The following CAMK2D variants were observed in gnomAD, a reference collection of about 807,000 sequenced individuals.
The protein encoded by CAMK2D is calcium/calmodulin dependent protein kinase II delta.
Under a neutral mutation model 84.0 loss-of-function variants are expected in CAMK2D, and 37 were observed. The observed-to-expected ratio is 0.44, with a 90% CI of 0.34 to 0.58. The LOEUF (loss-of-function observed/expected upper bound fraction) is 0.58. Among genes scored for constraint, CAMK2D ranks in the 20% least tolerant of loss-of-function variants. The pLI, the probability that CAMK2D is intolerant of heterozygous loss-of-function variation, is 0.02. For missense variants in CAMK2D, 448 were observed against 652.5 expected, an observed-to-expected ratio of 0.69 and a Z score of 3.41; for synonymous variants, 202 against 212.5, an observed-to-expected ratio of 0.95 and a Z score of 0.43.
intron 4 of CAMK2D, among the ~76,000 whole-genome samples, chr4:113,573,460 G>A (rs72907858): frequency 5.0e-4 from 76 of 152,240 alleles, no homozygotes; most frequent in African/African-American, 1.7e-3. Flanking sequence ...CCATTTCTTC[G>A]ACTAAACTCA....
At chr4:113,675,117 T>C (rs1224318983) in intron 2 of CAMK2D, among the ~76,000 whole-genome samples, 5 of 152,196 alleles carry the variant, frequency 3.3e-5, no homozygotes, top group African/African-American at 4.8e-5. Context: ...AATTCCTGAC[T>C]TTTCCCCTAC....
At chr4:113,539,423 G>A (rs2098514832) in intron 6 of CAMK2D, among the ~76,000 whole-genome samples, 1 of 152,212 alleles carries the variant, frequency 6.6e-6, no homozygotes, top group African/African-American at 2.4e-5. Flanking sequence ...AGTTTGTTGA[G>A]CAACTGTCAG....
At chr4:113,553,163 C>T (rs922378504) in intron 4 of CAMK2D, among the ~76,000 whole-genome samples, 2 of 152,094 alleles carry the variant, frequency 1.3e-5, no homozygotes, top group Admixed American at 6.6e-5. Context: ...AATTGCCCGC[C>T]GAGCAATTCC....
In CAMK2D at chr4:113,648,566, G is replaced by A. The variant is rs138955702; in HGVS notation, c.220+13147C>T. On this transcript the variant is annotated intron_variant, in intron 3 of 20. Coordinates refer to ENST00000511664, the MANE Select transcript of CAMK2D (RefSeq NM_001321571.2). ...ATGTTTGGGAAAGGCACAAGGGACCGGTAAGAAGTGAGCTTTACTTTAGTG... is the reference window on the plus strand; with the variant it reads ...ATGTTTGGGAAAGGCACAAGGGACCAGTAAGAAGTGAGCTTTACTTTAGTG... Among the ~76,000 whole-genome samples the A allele has an allele frequency of 6.4e-4, 98 of 152,300 alleles. 1 individual carries two copies. Among genetic ancestry groups the A allele is most frequent in the Middle Eastern group, 3.4e-3 (1 of 294 alleles).
At chr4:113,560,907 A>T (rs1228753768) in intron 4 of CAMK2D, among the ~76,000 whole-genome samples, 2 of 152,182 alleles carry the variant, frequency 1.3e-5, no homozygotes, top group African/African-American at 4.8e-5. Flanking sequence ...AGTCTCATAA[A>T]GGCTAAGGGA....
chr4:113,608,896 C>T (rs953541981), intron 4 of CAMK2D, among the ~76,000 whole-genome samples: 3 of 152,154 alleles, frequency 2.0e-5, no homozygotes, highest in Non-Finnish European at 2.9e-5. Context: ...CCACTCATGA[C>T]ATCACAACGG....
At chr4:113,697,746 T>C (rs570245467) in intron 2 of CAMK2D, among the ~76,000 whole-genome samples, 4 of 146,962 alleles carry the variant, frequency 2.7e-5, no homozygotes, top group East Asian at 2.0e-4. Context: ...AGATGATTTT[T>C]TTCCTCTGAA....
intron 4 of CAMK2D, among the ~76,000 whole-genome samples, chr4:113,601,419 C>T (rs1394231074): frequency 1.3e-5 from 2 of 151,728 alleles, no homozygotes; most frequent in Non-Finnish European, 2.9e-5. Flanking sequence ...TCCGGATATG[C>T]CCTTTCATGA....
At chr4:113,549,656 G>T (rs2154197441) in intron 5 of CAMK2D, among the ~76,000 whole-genome samples, 1 of 152,290 alleles carries the variant, frequency 6.6e-6, no homozygotes, top group South Asian at 2.1e-4. Flanking sequence ...TAAGTTCACT[G>T]TGCAATTCAA....
chr4:113,647,513 T>C (rs1422156189), intron 3 of CAMK2D, among the ~76,000 whole-genome samples: 1 of 152,240 alleles, frequency 6.6e-6, no homozygotes, highest in Admixed American at 6.5e-5. Context: ...ATTAGTACTA[T>C]GGCATTTTGG....
At chr4:113,464,118 C>T (rs1243943757) in intron 17 of CAMK2D, among the ~76,000 whole-genome samples, 1 of 152,202 alleles carries the variant, frequency 6.6e-6, no homozygotes, top group South Asian at 2.1e-4. Context: ...GGAAAGTCAC[C>T]ATTGTCCTGC....
chr4:113,594,763 G>T (rs1009100770), intron 4 of CAMK2D, among the ~76,000 whole-genome samples: 1 of 152,118 alleles, frequency 6.6e-6, no homozygotes, highest in Admixed American at 6.6e-5. Flanking sequence ...TGATAAAAAA[G>T]AAAGCAAAGA....
chr4:113,462,784 G>C (rs532870789), intron 17 of CAMK2D, among the ~76,000 whole-genome samples: 1 of 152,082 alleles, frequency 6.6e-6, no homozygotes, highest in African/African-American at 2.4e-5. Context: ...TTACCTCTCA[G>C]AGGCAACTTC....
intron 4 of CAMK2D, among the ~76,000 whole-genome samples, chr4:113,565,906 G>A (rs2154216142): frequency 1.3e-5 from 2 of 152,234 alleles, no homozygotes; most frequent in Middle Eastern, 6.8e-3. Flanking sequence ...GGCTATTAAT[G>A]AGTTCAGAGT....
At chr4:113,554,745 T>C (rs770432015) in intron 4 of CAMK2D, among the ~76,000 whole-genome samples, 1 of 152,148 alleles carries the variant, frequency 6.6e-6, no homozygotes, top group African/African-American at 2.4e-5. Context: ...CCATAGTTAT[T>C]AGATATTTTT....
At chr4:113,638,683 C>G (rs985768353) in intron 3 of CAMK2D, among the ~76,000 whole-genome samples, 1 of 152,076 alleles carries the variant, frequency 6.6e-6, no homozygotes, top group African/African-American at 2.4e-5. Context: ...TATGCTCCTA[C>G]TCAGCTTTTG....
chr4:113,728,155 C>T (rs750972290), intron 2 of CAMK2D, among the ~76,000 whole-genome samples: 2 of 152,110 alleles, frequency 1.3e-5, no homozygotes, highest in Non-Finnish European at 2.9e-5. Flanking sequence ...CAATTCTACT[C>T]CTAAGTATTT....
chr4:113,645,016 G>GTT lies in CAMK2D; in HGVS notation c.220+16695_220+16696dup, dbSNP rs1356013641. Among the ~76,000 whole-genome samples the GTT allele has an allele frequency of 6.6e-5, 10 of 151,908 alleles. No individual in the cohort carries two copies. The South Asian group carries it at 1.0e-3, about 16-fold the overall frequency. On this transcript the variant is annotated intron_variant, in intron 3 of 20. Transcript: ENST00000511664. Reference sequence around the variant, plus strand: ...TTTTTTGTTGTTGTTGTTGTTTTTTGTTTTTGTTTTTGTTTTTTGAGACGG... The same window carrying GTT: ...TTTTTTGTTGTTGTTGTTGTTTTTTGTTTTTTTGTTTTTGTTTTTTGAGACGG...
At chr4:113,717,430 A>T (rs1333120797) in intron 2 of CAMK2D, among the ~76,000 whole-genome samples, 1 of 152,150 alleles carries the variant, frequency 6.6e-6, no homozygotes, top group Admixed American at 6.5e-5. Flanking sequence ...CGTATAATCA[A>T]CTTTTATAGA....
Sources: allele counts gnomAD v4.1 joint callset (sites outside exome capture counted in the v4.1 genomes callset), GRCh38; gene constraint gnomAD v4.1.1; transcripts MANE v1.5; gene names NCBI Gene and HGNC (gene_info 2026-07-23, HGNC 2026-07-21).